The following EFCAB5 variants were observed in gnomAD, a reference collection of about 807,000 sequenced individuals.
EFCAB5 encodes the protein EF-hand calcium-binding domain-containing protein 5.
Under a neutral mutation model 167.9 loss-of-function variants are expected in EFCAB5, and 131 were observed. The observed-to-expected ratio is 0.78, with a 90% CI of 0.68 to 0.90. The LOEUF is 0.90. EFCAB5 is among the 40% of genes least tolerant of loss of function. The probability of loss-of-function intolerance (pLI) is 0.00; values close to 1 mark genes in which losing one functional copy is unlikely to be tolerated. For synonymous variants in EFCAB5, 574 were observed against 602.8 expected (o/e 0.95, Z 0.70); for missense variants, 1,663 against 1,745.2 (o/e 0.95, Z 0.84).
In EFCAB5 at chr17:30,020,036, T is replaced by G. The variant is rs116755324; in HGVS notation, c.1045-14194T>G. On this transcript the variant is annotated intron_variant, in intron 7 of 22. Transcript: ENST00000394835. ...ATGTGAGATCGTGTTGTATTTGTCTTTCTGTACTTGGCTTATTTCACTTAG... is the reference window on the plus strand; with the variant it reads ...ATGTGAGATCGTGTTGTATTTGTCTGTCTGTACTTGGCTTATTTCACTTAG... Among the ~76,000 whole-genome samples the G allele has an allele frequency of 2.0e-3, 304 of 152,320 alleles. 1 individual carries two copies. The highest frequency in any genetic ancestry group is 7.1e-3 in the African/African-American group (294 of 41,572).
intron 3 of EFCAB5, among the ~76,000 whole-genome samples, chr17:29,946,191 A>T (rs1387281924): frequency 6.6e-6 from 1 of 152,186 alleles, no homozygotes; most frequent in African/African-American, 2.4e-5. Flanking sequence ...GACATTTCTC[A>T]AAAGAATATA....
chr17:29,981,618 CTG>C (rs750931301), intron 4 of EFCAB5, among the ~76,000 whole-genome samples: 1 of 152,196 alleles, frequency 6.6e-6, no homozygotes, highest in Non-Finnish European at 1.5e-5. Flanking sequence ...GCATCTAACA[CTG>C]TGTCTTATGA....
intron 14 of EFCAB5, chr17:30,068,905 C>G (rs977296779): frequency 1.3e-6 from 2 of 1,539,470 alleles, no homozygotes; most frequent in South Asian, 2.2e-5. Flanking sequence ...AGACACAGAA[C>G]GAGACCAAAT....
chr17:30,098,348 G>A (rs1324826825), intron 22 of EFCAB5, among the ~76,000 whole-genome samples: 2 of 151,590 alleles, frequency 1.3e-5, no homozygotes, highest in African/African-American at 4.8e-5. Context: ...AACATACTGA[G>A]ACCCTGTCTC....
intron 7 of EFCAB5, among the ~76,000 whole-genome samples, chr17:30,025,515 A>C (rs940532747): frequency 6.6e-6 from 1 of 152,156 alleles, no homozygotes; most frequent in Admixed American, 6.5e-5. Flanking sequence ...AAAGTCAAGA[A>C]ACAACAGGTG....
At position 30,053,770 on chromosome 17, in the gene EFCAB5, C is replaced by T. The variant is rs758602143; in HGVS notation, c.1816C>T (p.Gln606Ter). The T allele has an allele frequency of 5.0e-6, 8 of 1,613,902 alleles. No homozygotes were observed. The South Asian group carries it at 8.8e-5, about 18-fold the overall frequency. ...ATCAAGCAGAGAGTCAGTTGCAGAA[C>T]AAGGGTCACGCAGAGAGTCTATTGC... is the stretch of plus-strand genomic sequence containing the variant. ...QGSSRESVAE[Q>*]GSRRESIAEQ... Residue 606 changes from glutamine to a stop codon, truncating the protein, a stop_gained, in exon 10 of 23, where the codon CAA becomes TAA. Transcript: ENST00000394835. LOFTEE classifies it high-confidence loss of function.
intron 4 of EFCAB5, among the ~76,000 whole-genome samples, chr17:29,991,466 G>A (rs1375594452): frequency 6.6e-6 from 1 of 152,190 alleles, no homozygotes; most frequent in East Asian, 1.9e-4. Context: ...AACTAAAATG[G>A]GAAACAAAGG....
intron 1 of EFCAB5, among the ~76,000 whole-genome samples, chr17:29,932,827 A>T (rs1170882124): frequency 6.6e-6 from 1 of 152,146 alleles, no homozygotes; most frequent in Non-Finnish European, 1.5e-5. Context: ...GTAAGTGTGG[A>T]ACATTTTTGT....
chr17:30,086,978 T>C, intron 18 of EFCAB5, 85 bp from the exon 19 acceptor site: 1 of 1,185,688 alleles, frequency 8.4e-7, no homozygotes, highest in Non-Finnish European at 1.2e-6. Flanking sequence ...GCTTTCCTAT[T>C]TTTTTTCTAT....
intron 1 of EFCAB5, among the ~76,000 whole-genome samples, chr17:29,933,611 G>T (rs1164695193): frequency 6.6e-6 from 1 of 152,184 alleles, no homozygotes; most frequent in Non-Finnish European, 1.5e-5. Context: ...CTTCCCACCT[G>T]CGATGCTGGA....
chr17:29,930,313 T>C (rs2067170238), intron 1 of EFCAB5: 1 of 388,562 alleles, frequency 2.6e-6, no homozygotes, highest in Non-Finnish European at 4.7e-6. Context: ...ACCCTTGAGT[T>C]GCCGGAAGCT....
chr17:29,953,683 T>C (rs1050886497), intron 3 of EFCAB5, among the ~76,000 whole-genome samples: 3 of 152,250 alleles, frequency 2.0e-5, no homozygotes, highest in Non-Finnish European at 4.4e-5. Flanking sequence ...AACAGACTAA[T>C]ACAGTAAATT....
At position 30,082,927 on chromosome 17, in the gene EFCAB5, G is replaced by A. The variant is rs372699361; in HGVS notation, c.3463G>A (p.Val1155Ile). The A allele has an allele frequency of 5.5e-5, 89 of 1,613,688 alleles. No homozygotes were observed. The Middle Eastern group carries it at 9.9e-4, about 18-fold the overall frequency. The change falls in exon 18 of 23, where the codon GTC (valine) becomes ATC (isoleucine). Residue 1155 changes from valine (V) to isoleucine (I), a missense_variant. Physicochemically the swap from Val to Ile is conservative, Grantham distance 29 (BLOSUM62 3). Coordinates refer to ENST00000394835, the MANE Select transcript of EFCAB5 (RefSeq NM_198529.4). Reference sequence around the variant, plus strand: ...TGTCTTTAGCACTGCCTATCACTACGTCCACAGCCGGGAGCACATTCTGCA... The same window carrying A: ...TGTCTTTAGCACTGCCTATCACTACATCCACAGCCGGGAGCACATTCTGCA... ...ANVFSTAYHY[V>I]HSREHILHIV...
intron 3 of EFCAB5, among the ~76,000 whole-genome samples, chr17:29,947,757 C>CA (rs1246828925): frequency 6.6e-6 from 1 of 152,180 alleles, no homozygotes; most frequent in Non-Finnish European, 1.5e-5. Context: ...CTACCACCAA[C>CA]ACCACATACA....
chr17:30,059,469 T>C, intron 13 of EFCAB5, 76 bp from the exon 14 acceptor site: 1 of 1,419,304 alleles, frequency 7.0e-7, no homozygotes, highest in Non-Finnish European at 9.3e-7. Flanking sequence ...TGGACTTTTT[T>C]TGGAATAAAC....
chr17:29,992,006 C>T (rs958532617), intron 4 of EFCAB5, among the ~76,000 whole-genome samples: 2 of 152,100 alleles, frequency 1.3e-5, no homozygotes, highest in Non-Finnish European at 2.9e-5. Context: ...TATCTATCAC[C>T]TCAAATACAT....
At chr17:30,068,186 C>T (rs1056860171) in intron 14 of EFCAB5, among the ~76,000 whole-genome samples, 7 of 152,044 alleles carry the variant, frequency 4.6e-5, no homozygotes, top group African/African-American at 1.7e-4. Flanking sequence ...CTTGTAGCCC[C>T]AGCTACTCGG....
chr17:30,019,703 C>A (rs2069129619), intron 7 of EFCAB5, among the ~76,000 whole-genome samples: 1 of 152,100 alleles, frequency 6.6e-6, no homozygotes, highest in Non-Finnish European at 1.5e-5. Context: ...ACCTCGGCCT[C>A]CCAAAGTGCT....
At chr17:30,079,926 C>T in intron 15 of EFCAB5, 146 bp from the exon 16 acceptor site, 1 of 912,634 alleles carries the variant, frequency 1.1e-6, no homozygotes, top group Non-Finnish European at 1.6e-6. Flanking sequence ...CTTTTCCCCA[C>T]TGCCCATGAA....
Sources: gnomAD v4.1 joint callset for allele counts (sites outside exome capture counted in the v4.1 genomes callset) on GRCh38, gnomAD v4.1.1 for gene constraint, MANE v1.5 for transcripts, NCBI Gene and HGNC (gene_info 2026-07-23, HGNC 2026-07-21) for gene names.